DUS1L: variants seen among roughly 807,000 people sequenced by gnomAD.
DUS1L encodes tRNA-dihydrouridine(16/17) synthase [NAD(P)(+)]-like.
Under a neutral mutation model 61.2 loss-of-function variants are expected in DUS1L, and 56 were observed. That is an observed-to-expected ratio of 0.92 (90% CI 0.74 to 1.14). The LOEUF is 1.14. Ranked by LOEUF, DUS1L falls within the 50% of genes most tolerant of loss-of-function variation. DUS1L has a pLI of 0.00. For missense variants in DUS1L, 630 were observed against 632.4 expected (o/e 1.00, Z 0.04); for synonymous variants, 278 against 259.5 (o/e 1.07, Z -0.69).
At chr17:82,059,892 G>A (rs930463967) in intron 11 of DUS1L, 56 bp downstream of exon 11, 48 of 1,605,644 alleles carry the variant, frequency 3.0e-5, no homozygotes, top group Non-Finnish European at 3.7e-5. Flanking sequence ...TGGCAACAGG[G>A]AGGATGGGGG....
chr17:82,059,814 C>G, intron 11 of DUS1L, 134 bp downstream of exon 11: 1 of 1,323,820 alleles, frequency 7.6e-7, no homozygotes, highest in South Asian at 1.3e-5. Flanking sequence ...CTCCGCCAAG[C>G]CCTCCAGGTG....
intron 11 of DUS1L, 158 bp downstream of exon 11, chr17:82,059,790 A>T: frequency 9.6e-7 from 1 of 1,045,710 alleles, no homozygotes; most frequent in Non-Finnish European, 1.4e-6. Context: ...TCTGACCCCA[A>T]GTCTGGCTGA....
chr17:82,063,575 G>A, intron 3 of DUS1L, 57 bp from the exon 4 acceptor site: 5 of 1,607,516 alleles, frequency 3.1e-6, no homozygotes, highest in Admixed American at 1.7e-5. Context: ...TGGGGCCGAA[G>A]CCTTGCACCC....
At chr17:82,063,366 G>A in intron 4 of DUS1L, 102 bp downstream of exon 4, 1 of 1,523,728 alleles carries the variant, frequency 6.6e-7, no homozygotes, top group Non-Finnish European at 9.0e-7. Flanking sequence ...GAGAACTCCT[G>A]CCAACGCCTG....
chr17:82,063,636 C>T lies in DUS1L; in HGVS notation c.347-118G>A, dbSNP rs150482617. 5.2e-5 allele frequency: 67 copies of T among 1,293,270 alleles called. 1 individual carries two copies. Among genetic ancestry groups the T allele is most frequent in the African/African-American group, 5.1e-4 (35 of 68,738 alleles). 80.1% of individuals were successfully genotyped at this position (1,293,270 alleles called of 1,614,324 possible). A position where few individuals can be genotyped will look rare whatever the true frequency, so the allele number is the denominator to read the frequency against. On this transcript the variant is annotated intron_variant, in intron 3 of 13. Transcript: ENST00000306796. ...GCAGGCCAGGAGCTGCCCTGTCAGG[C>T]GGGACACAGGTCCCCAGAACCAGCA...
rs1481614948 is a variant in DUS1L at position 82,060,687 on chromosome 17, G to A, written c.1022+14C>T. The A allele has an allele frequency of 1.2e-6, 2 of 1,611,776 alleles. No homozygotes were observed. The highest frequency in any genetic ancestry group is 2.7e-5 in the African/African-American group (2 of 75,040). On this transcript the variant is annotated intron_variant, in intron 10 of 13. Coordinates refer to ENST00000306796, the MANE Select transcript of DUS1L (RefSeq NM_022156.5). ...TTGGTGCACATCCCCGCCCAGGGCTGGCTGGGCTCTCACCCCGGCCGGATG... is the reference window on the plus strand; with the variant it reads ...TTGGTGCACATCCCCGCCCAGGGCTAGCTGGGCTCTCACCCCGGCCGGATG...
In DUS1L at chr17:82,061,274, G is replaced by T; in HGVS notation, c.777C>A (p.Ile259=). ...VWELAEEYLD[I]VREHPCPLSY... ...ACAGGGGGCAGGGGTGCTCCCGCAC[G>T]ATGTCCAGATACTCCTCGGCCAGCT... Residue 259 remains isoleucine (I), a synonymous_variant, in exon 8 of 14, where the codon ATC becomes ATA. Transcript: ENST00000306796. 1.2e-6 allele frequency: 2 copies of T among 1,611,156 alleles called. No individual in the cohort carries two copies. Among genetic ancestry groups the T allele is most frequent in the Non-Finnish European group, 1.7e-6 (2 of 1,178,994 alleles).
At chr17:82,063,622 G>A in intron 3 of DUS1L, 104 bp from the exon 4 acceptor site, 1 of 1,458,416 alleles carries the variant, frequency 6.9e-7, no homozygotes, top group South Asian at 1.2e-5. Context: ...CAGGCCAGGA[G>A]CTGCCCTGTC....
chr17:82,060,552 G>A lies in DUS1L; in HGVS notation c.1022+149C>T, dbSNP rs553726871. On this transcript the variant is annotated intron_variant, in intron 10 of 13. Transcript: ENST00000306796. ...GGCACGTGGAAGGTGTGTGCTGCTC[G>A]GAGCCGAGGCCTCCCTCCTCCTTTC... is the stretch of plus-strand genomic sequence containing the variant. 8 of 1,025,386 alleles carry A rather than the reference G, an allele frequency of 7.8e-6. No individual in the cohort carries two copies. The East Asian group carries it at 7.9e-5, about 10-fold the overall frequency. 63.5% of individuals were successfully genotyped at this position (1,025,386 alleles called of 1,614,324 possible).
chr17:82,063,334 C>G (rs758412042), intron 4 of DUS1L, 134 bp downstream of exon 4: 3 of 1,232,792 alleles, frequency 2.4e-6, no homozygotes, highest in Non-Finnish European at 3.5e-6. Context: ...CTGCTGTGGG[C>G]AGGAAGCCCC....
intron 10 of DUS1L, 170 bp downstream of exon 10, chr17:82,060,531 C>A (rs2033431010): frequency 1.3e-6 from 1 of 791,972 alleles, no homozygotes; most frequent in Non-Finnish European, 2.0e-6. Flanking sequence ...CCGAGGGGCA[C>A]GTGGAAGGTG....
chr17:82,060,969 A>G lies in DUS1L; in HGVS notation c.843-8T>C, dbSNP rs1291191078. The G allele has an allele frequency of 1.4e-5, 23 of 1,608,050 alleles. No homozygotes were observed. The highest frequency in any genetic ancestry group is 2.5e-6 in the Non-Finnish European group (3 of 1,179,528). On this transcript the variant is annotated splice_region_variant and splice_polypyrimidine_tract_variant and intron_variant, in intron 8 of 13. Transcript: ENST00000306796. ...TCCTGGTGCACCTGCAGCCTGAGAC[A>G]GAGGCCCTGTCACGCAGGCTGGGCT...
chr17:82,060,383 G>T (rs1034338645), intron 10 of DUS1L: 1 of 579,484 alleles, frequency 1.7e-6, no homozygotes, highest in Non-Finnish European at 3.1e-6. Context: ...AGAAGCTGGG[G>T]TCAACCTCTT....
In DUS1L at chr17:82,058,098, G is replaced by A. The variant is rs769703025; in HGVS notation, c.*17C>T. 2.0e-6 allele frequency: 3 copies of A among 1,525,646 alleles called. No homozygotes were observed. The highest frequency in any genetic ancestry group is 2.6e-6 in the Non-Finnish European group (3 of 1,132,728). 94.5% of individuals were successfully genotyped at this position (1,525,646 alleles called of 1,614,324 possible). On this transcript the variant is annotated 3_prime_UTR_variant, in exon 14 of 14. Coordinates refer to ENST00000306796, the MANE Select transcript of DUS1L (RefSeq NM_022156.5). ...CCAGGCTCCAGCAGCAGTCCTGGGG[G>A]TGGGGGTTGTGGGCCTTCAGGCCAG...
Position 82,057,837 on chromosome 17 carries a change from C to T in DUS1L, c.*278G>A, listed in dbSNP as rs2033121898. The T allele has an allele frequency of 6.1e-6, 2 of 330,010 alleles. No homozygotes were observed. The highest frequency in any genetic ancestry group is 8.1e-5 in the South Asian group (1 of 12,370). 20.4% of individuals were successfully genotyped at this position (330,010 alleles called of 1,614,324 possible). ...ACCGCACCTGCCCCGGCTCATGCCT[C>T]CCTGGGTCTGAGAGGGCAGTGGTCA... On this transcript the variant is annotated 3_prime_UTR_variant, in exon 14 of 14. Transcript: ENST00000306796.
chr17:82,058,051 C>CT lies in DUS1L; in HGVS notation c.*63_*64insA. On this transcript the variant is annotated 3_prime_UTR_variant, in exon 14 of 14. Transcript: ENST00000306796. ...AGCAGGAGATTCCCTGAGTAAAAGG[C>CT]ATTTTCTTAAGTAGGACGTGTCCAG... 6.9e-7 allele frequency: 1 copy of CT among 1,452,754 alleles called. No individual in the cohort carries two copies. Among genetic ancestry groups the CT allele is most frequent in the Non-Finnish European group, 9.1e-7 (1 of 1,100,870 alleles). 90.0% of individuals were successfully genotyped at this position (1,452,754 alleles called of 1,614,324 possible).
At position 82,060,196 on chromosome 17, in the gene DUS1L, C is replaced by T. The variant is rs1203827121; in HGVS notation, c.1023-103G>A. The stretch of plus-strand genomic sequence containing the variant: ...TGGGTGAGGGGCCAGGCGGCCGTGG[C>T]GAGTGCCGCTGCTGTGAGGAGTGCC... On this transcript the variant is annotated intron_variant, in intron 10 of 13. Coordinates refer to ENST00000306796, the MANE Select transcript of DUS1L (RefSeq NM_022156.5). 24 of 1,436,548 alleles carry T rather than the reference C, an allele frequency of 1.7e-5. No individual in the cohort carries two copies. The East Asian group carries it at 2.7e-4, about 16-fold the overall frequency. The allele number at this position is 1,436,548 out of a possible 1,614,324, so 89.0% of individuals were successfully genotyped here. A position where few individuals can be genotyped will look rare whatever the true frequency, so the allele number is the denominator to read the frequency against.
chr17:82,062,199 G>A (rs549328141), intron 5 of DUS1L, among the ~76,000 whole-genome samples: 2 of 152,316 alleles, frequency 1.3e-5, no homozygotes, highest in African/African-American at 4.8e-5. Flanking sequence ...CCTACCCCAA[G>A]GCCTCTGCAC....
At position 82,060,707 on chromosome 17, in the gene DUS1L, C is replaced by T. The variant is rs751726069; in HGVS notation, c.1016G>A (p.Arg339Gln). 63 of 1,612,580 alleles carry T rather than the reference C, an allele frequency of 3.9e-5. No individual in the cohort carries two copies. The East Asian group carries it at 1.0e-3, about 27-fold the overall frequency. ...GGGCTGGCTGGGCTCTCACCCCGGCCGGATGTAGGGCTGGCAGATCCAGTG... is the reference window on the plus strand; with the variant it reads ...GGGCTGGCTGGGCTCTCACCCCGGCTGGATGTAGGGCTGGCAGATCCAGTG... Reference protein sequence around the residue: ...PFHWICQPYIRPGPREGSKEK... With the variant: ...PFHWICQPYIQPGPREGSKEK... The change falls in exon 10 of 14, where the codon CGG becomes CAG. Residue 339 changes from arginine to glutamine, a missense_variant. Arg to Gln is a conservative substitution (Grantham distance 43). Coordinates refer to ENST00000306796, the MANE Select transcript of DUS1L (RefSeq NM_022156.5).
Sources: allele counts gnomAD v4.1 joint callset (sites outside exome capture counted in the v4.1 genomes callset), GRCh38; gene constraint gnomAD v4.1.1; transcripts MANE v1.5; gene names NCBI Gene and HGNC (gene_info 2026-07-23, HGNC 2026-07-21).